Variants in CSMD1 observed in about 807,000 individuals in gnomAD.
CSMD1 encodes the protein CUB and Sushi multiple domains 1.
A neutral mutation model predicts 417.5 loss-of-function variants in CSMD1; 213 were observed. The ratio of observed to expected loss-of-function variants is 0.51; its 90% CI spans 0.46 to 0.57. CSMD1 has a LOEUF of 0.57. Ranked by LOEUF, CSMD1 falls within the 20% of genes least tolerant of loss-of-function variation. CSMD1 has a pLI of 0.00. For synonymous variants in CSMD1, 2,862 were observed against 1,736.8 expected (o/e 1.65, Z -16.11); for missense variants, 6,923 against 4,529.7 (o/e 1.53, Z -15.17).
intron 1 of CSMD1, among the ~76,000 whole-genome samples, chr8:4,722,075 G>C (rs962003283): frequency 6.6e-6 from 1 of 152,110 alleles, no homozygotes; most frequent in Non-Finnish European, 1.5e-5. Flanking sequence ...GGATGAATAA[G>C]TCAAGAAATC....
intron 1 of CSMD1, among the ~76,000 whole-genome samples, chr8:4,655,664 A>C (rs968921443): frequency 6.6e-6 from 1 of 152,058 alleles, no homozygotes; most frequent in African/African-American, 2.4e-5. Context: ...ATTTAGATGA[A>C]AAGTCAATAT....
rs1486473823 is a variant in CSMD1 at position 3,608,806 on chromosome 8, G to T, written c.1097+7904C>A. 4.0e-5 allele frequency among the ~76,000 whole-genome samples: 6 copies of T among 151,718 alleles called. No homozygotes were observed. In the South Asian group the frequency reaches 6.3e-4, roughly 16 times the overall value. On this transcript the variant is annotated intron_variant, in intron 8 of 69. Transcript: ENST00000635120. ...ATAACGTCCAGCAGTGTGCATCACG[G>T]CCAATGCTAGTCTATGTGGATCCGT...
chr8:4,748,565 T>C (rs956339149), intron 1 of CSMD1, among the ~76,000 whole-genome samples: 5 of 152,192 alleles, frequency 3.3e-5, no homozygotes, highest in African/African-American at 1.2e-4. Flanking sequence ...ATCAGGATTA[T>C]TGGGTTCAGC....
At position 3,616,680 on chromosome 8, in the gene CSMD1, G is replaced by A. The variant is rs777437594; in HGVS notation, c.1097+30C>T. 2.9e-6 allele frequency: 4 copies of A among 1,363,774 alleles called. No homozygotes were observed. The African/African-American group carries it at 4.3e-5, about 15-fold the overall frequency. The allele number at this position is 1,363,774 out of a possible 1,614,324, so 84.5% of individuals were successfully genotyped here. A position where few individuals can be genotyped will look rare whatever the true frequency, so the allele number is the denominator to read the frequency against. On this transcript the variant is annotated intron_variant, in intron 8 of 69. Coordinates refer to ENST00000635120, the MANE Select transcript of CSMD1 (RefSeq NM_033225.6). ...ATAATATATGTCTTAAAAATAACAT[G>A]CTTTTTTCCACCACTATTGTATCTC...
At chr8:3,136,702 C>G (rs1313673235) in intron 41 of CSMD1, among the ~76,000 whole-genome samples, 1 of 152,106 alleles carries the variant, frequency 6.6e-6, no homozygotes, top group Non-Finnish European at 1.5e-5. Context: ...ATGGGTAGGA[C>G]CACCAGTGCC....
chr8:3,727,168 A>G (rs779400378), intron 6 of CSMD1, among the ~76,000 whole-genome samples: 2 of 152,234 alleles, frequency 1.3e-5, no homozygotes, highest in African/African-American at 2.4e-5. Flanking sequence ...TTTTAAAACC[A>G]TACTTAGAGC....
At chr8:4,982,230 T>C (rs1810931865) in intron 1 of CSMD1, among the ~76,000 whole-genome samples, 1 of 152,204 alleles carries the variant, frequency 6.6e-6, no homozygotes, top group Non-Finnish European at 1.5e-5. Flanking sequence ...GTGTGCTGTT[T>C]GAAGCTGTTG....
At chr8:4,905,635 C>T (rs111629263) in intron 1 of CSMD1, among the ~76,000 whole-genome samples, 213 of 151,324 alleles carry the variant, frequency 1.4e-3, no homozygotes, top group African/African-American at 4.2e-3. Flanking sequence ...CTGGCTAACA[C>T]GGTGAAACCC....
Position 4,788,296 on chromosome 8 carries a change from C to A in CSMD1, c.86-150738G>T, listed in dbSNP as rs1023710182. The A allele has an allele frequency of 1.5e-5, 23 of 1,584,374 alleles. No homozygotes were observed. In the African/African-American group the frequency reaches 2.6e-4, roughly 18 times the overall value. ...ATTCCTACTGTATTTGTGGCAGTGG[C>A]AGGCAGAAGTAATGGTTTGGGACCA... On this transcript the variant is annotated intron_variant, in intron 1 of 69. Transcript: ENST00000635120.
At chr8:4,044,957 A>G (rs762399050) in intron 3 of CSMD1, among the ~76,000 whole-genome samples, 16 of 152,226 alleles carry the variant, frequency 1.1e-4, no homozygotes, top group Admixed American at 2.0e-4. Context: ...GAGTAATTAT[A>G]TTCAACATCT....
chr8:3,279,076 G>A (rs1228453045), intron 26 of CSMD1: 2 of 152,240 alleles, frequency 1.3e-5, no homozygotes. Flanking sequence ...CTGGTTCCCA[G>A]AAGTGGCAAG....
At chr8:3,524,644 T>TGC (rs1797679608) in intron 10 of CSMD1, among the ~76,000 whole-genome samples, 1 of 144,526 alleles carries the variant, frequency 6.9e-6, no homozygotes, top group Non-Finnish European at 1.5e-5. Context: ...GAGAGACATG[T>TGC]GCACACACAC....
chr8:3,139,843 G>T (rs941470881), intron 41 of CSMD1, among the ~76,000 whole-genome samples: 9 of 152,010 alleles, frequency 5.9e-5, no homozygotes, highest in East Asian at 3.9e-4. Context: ...AGTAGGAAGA[G>T]AGGTACCTAG....
intron 5 of CSMD1, among the ~76,000 whole-genome samples, chr8:3,990,493 T>A (rs552853034): frequency 3.9e-5 from 6 of 152,310 alleles, no homozygotes; most frequent in African/African-American, 1.4e-4. Flanking sequence ...CTCCTCAGTC[T>A]GGACAATTTT....
At chr8:4,573,025 T>C (rs1023928896) in intron 2 of CSMD1, among the ~76,000 whole-genome samples, 11 of 152,178 alleles carry the variant, frequency 7.2e-5, no homozygotes, top group African/African-American at 2.7e-4. Context: ...CTGTAATCTT[T>C]TATCAAGGTT....
intron 66 of CSMD1, 130 bp from the exon 67 acceptor site, chr8:2,950,473 T>C: frequency 1.6e-6 from 1 of 627,766 alleles, no homozygotes; most frequent in Non-Finnish European, 2.8e-6. Flanking sequence ...ACAGAAATTG[T>C]ATTTTTATTT....
chr8:4,458,262 C>CA (rs1365846370), intron 2 of CSMD1, among the ~76,000 whole-genome samples: 2 of 151,880 alleles, frequency 1.3e-5, no homozygotes, highest in South Asian at 2.1e-4. Flanking sequence ...AGAGTAACCA[C>CA]AAAAAATGAC....
At chr8:3,876,606 T>C (rs1225738042) in intron 5 of CSMD1, among the ~76,000 whole-genome samples, 3 of 152,114 alleles carry the variant, frequency 2.0e-5, no homozygotes, top group African/African-American at 7.2e-5. Context: ...ATGGTATTGT[T>C]TTTGTTTGTT....
intron 50 of CSMD1, among the ~76,000 whole-genome samples, chr8:3,039,534 C>G (rs1222079881): frequency 6.7e-6 from 1 of 150,062 alleles, no homozygotes. Flanking sequence ...TCGTTCCTTC[C>G]TTCTTTCCTT....
Sources: allele counts gnomAD v4.1 joint callset (sites outside exome capture counted in the v4.1 genomes callset), GRCh38; gene constraint gnomAD v4.1.1; transcripts MANE v1.5; gene names NCBI Gene and HGNC (gene_info 2026-07-23, HGNC 2026-07-21).